PLLP: variants seen among roughly 807,000 people sequenced by gnomAD.
PLLP encodes the protein plasma membrane proteolipid (plasmolipin).
In PLLP, 15 loss-of-function variants were observed where a neutral mutation model predicts 19.7. That is an observed-to-expected ratio of 0.76 (90% CI 0.51 to 1.17). The LOEUF (loss-of-function observed/expected upper bound fraction) is 1.17. PLLP is among the 50% of genes most tolerant of loss of function. The probability of loss-of-function intolerance (pLI) is 0.00; values close to 1 mark genes in which losing one functional copy is unlikely to be tolerated. For synonymous variants in PLLP, 111 were observed against 116.3 expected, an observed-to-expected ratio of 0.95 and a Z score of 0.29; for missense variants, 255 against 258.3, an observed-to-expected ratio of 0.99 and a Z score of 0.09.
chr16:57,284,212 G>A (rs1722846396), intron 1 of PLLP, among the ~76,000 whole-genome samples, 194 bp downstream of exon 1: 1 of 152,280 alleles, frequency 6.6e-6, no homozygotes, highest in Admixed American at 6.5e-5. Flanking sequence ...GTCGTGGTGA[G>A]AGGGATGCAG....
At chr16:57,270,667 C>T (rs764973808) in intron 1 of PLLP, among the ~76,000 whole-genome samples, 1 of 152,120 alleles carries the variant, frequency 6.6e-6, no homozygotes, top group African/African-American at 2.4e-5. Context: ...ACAGAGGCTC[C>T]GGGCGCCTAA....
At chr16:57,267,869 C>T (rs570900473) in intron 1 of PLLP, among the ~76,000 whole-genome samples, 1 of 145,782 alleles carries the variant, frequency 6.9e-6, no homozygotes, top group Non-Finnish European at 1.5e-5. Context: ...GAGCGAAACT[C>T]CGTCTCAAAA....
At chr16:57,270,525 C>T (rs1156777156) in intron 1 of PLLP, among the ~76,000 whole-genome samples, 4 of 151,964 alleles carry the variant, frequency 2.6e-5, no homozygotes, top group African/African-American at 9.7e-5. Context: ...TCTGGGCAAG[C>T]CAAGGACACT....
At chr16:57,272,935 T>C (rs906438321) in intron 1 of PLLP, among the ~76,000 whole-genome samples, 1 of 145,058 alleles carries the variant, frequency 6.9e-6, no homozygotes, top group African/African-American at 2.6e-5. Flanking sequence ...CCAGCCTGAG[T>C]GACAGAGTGA....
chr16:57,283,173 G>C (rs1406142698), intron 1 of PLLP, among the ~76,000 whole-genome samples: 1 of 152,172 alleles, frequency 6.6e-6, no homozygotes, highest in Non-Finnish European at 1.5e-5. Flanking sequence ...TGTACTTCCT[G>C]AGATTCAAAT....
intron 1 of PLLP, among the ~76,000 whole-genome samples, chr16:57,273,116 C>T (rs920662839): frequency 2.6e-5 from 4 of 152,000 alleles, no homozygotes; most frequent in South Asian, 2.1e-4. Flanking sequence ...AAAAATTAGC[C>T]GGGCACGGTG....
intron 1 of PLLP, among the ~76,000 whole-genome samples, chr16:57,283,776 C>G (rs1901247391): frequency 6.6e-6 from 1 of 152,210 alleles, no homozygotes; most frequent in Non-Finnish European, 1.5e-5. Flanking sequence ...CCGGCTGAAA[C>G]CTGGCGGGTC....
intron 1 of PLLP, among the ~76,000 whole-genome samples, chr16:57,276,909 A>T (rs184910103): frequency 1.4e-3 from 211 of 152,234 alleles, no homozygotes; most frequent in South Asian, 5.2e-3. Flanking sequence ...GGAATAGAAA[A>T]CCCGAAGTGT....
At chr16:57,271,224 G>A (rs1192415712) in intron 1 of PLLP, among the ~76,000 whole-genome samples, 3 of 151,958 alleles carry the variant, frequency 2.0e-5, no homozygotes, top group African/African-American at 7.3e-5. Context: ...GCCGCCCCTG[G>A]ACCCCCAGCA....
chr16:57,274,873 T>C lies in PLLP; in HGVS notation c.135+9533A>G, dbSNP rs576417794. On this transcript the variant is annotated intron_variant, in intron 1 of 3. Transcript: ENST00000219207. ...GCCTCCCGGGTTCACACCATTCTCC[T>C]GCCTCAGCCTCCCGAGTAGCTGGGA... Among the ~76,000 whole-genome samples, 16 of 152,232 alleles carry C rather than the reference T, an allele frequency of 1.1e-4. No homozygotes were observed. The South Asian group carries it at 3.3e-3, about 32-fold the overall frequency.
At chr16:57,277,271 G>A (rs1205983830) in intron 1 of PLLP, among the ~76,000 whole-genome samples, 1 of 152,186 alleles carries the variant, frequency 6.6e-6, no homozygotes, top group Non-Finnish European at 1.5e-5. Flanking sequence ...TTTTATTCTT[G>A]AGCATTGTAA....
At chr16:57,264,905 ATAAAT>A (rs1179062570) in intron 1 of PLLP, among the ~76,000 whole-genome samples, 1 of 152,264 alleles carries the variant, frequency 6.6e-6, no homozygotes, top group East Asian at 1.9e-4. Flanking sequence ...AATTAACAAA[ATAAAT>A]TAATAAGAAG....
intron 1 of PLLP, among the ~76,000 whole-genome samples, chr16:57,272,873 T>C (rs1322399184): frequency 1.3e-5 from 2 of 151,734 alleles, no homozygotes; most frequent in African/African-American, 4.8e-5. Context: ...GGGAGGATCA[T>C]GTGAGCCCAG....
intron 2 of PLLP, 97 bp from the exon 3 acceptor site, chr16:57,258,681 CG>C: frequency 7.9e-7 from 1 of 1,258,356 alleles, no homozygotes. Context: ...CAGCACTTTG[CG>C]GGGCTGAAGT....
chr16:57,283,750 C>T (rs1377402160), intron 1 of PLLP, among the ~76,000 whole-genome samples: 5 of 152,190 alleles, frequency 3.3e-5, no homozygotes, highest in Non-Finnish European at 7.3e-5. Flanking sequence ...ATCTCGGTCC[C>T]GTGGGGCTGG....
chr16:57,267,939 G>A (rs1385531221), intron 1 of PLLP, among the ~76,000 whole-genome samples: 14 of 151,912 alleles, frequency 9.2e-5, no homozygotes, highest in Non-Finnish European at 1.2e-4. Flanking sequence ...AGACATGCTC[G>A]AGTTAAGGGG....
Position 57,284,670 on chromosome 16 carries a change from G to C in PLLP, c.-130C>G. 3.2e-6 allele frequency: 3 copies of C among 942,700 alleles called. No individual in the cohort carries two copies. Among genetic ancestry groups the C allele is most frequent in the Non-Finnish European group, 4.2e-6 (3 of 722,160 alleles). 58.4% of individuals were successfully genotyped at this position (942,700 alleles called of 1,614,324 possible). A position where few individuals can be genotyped will look rare whatever the true frequency, so the allele number is the denominator to read the frequency against. On this transcript the variant is annotated 5_prime_UTR_variant, in exon 1 of 4. Transcript: ENST00000219207. Reference sequence around the variant, plus strand: ...TGTGGCTCCAGGCGCTGCAGGAGGCGTCGGGGCTGGGAGCCTGGGGCGCCA... The same window carrying C: ...TGTGGCTCCAGGCGCTGCAGGAGGCCTCGGGGCTGGGAGCCTGGGGCGCCA...
At position 57,257,034 on chromosome 16, in the gene PLLP, AAG is replaced by A; in HGVS notation, c.433-7_433-6del. On this transcript the variant is annotated splice_polypyrimidine_tract_variant and splice_region_variant and intron_variant, in intron 3 of 3. Transcript: ENST00000219207. ...CATCACCAAACACGCAAAGAACTGA[AAG>A]AGAGGTGAGAAGGGCTTAAGGACCG... The A allele has an allele frequency of 1.9e-6, 3 of 1,601,600 alleles. No individual in the cohort carries two copies. Among genetic ancestry groups the A allele is most frequent in the Non-Finnish European group, 2.6e-6 (3 of 1,168,710 alleles).
At chr16:57,266,393 C>G (rs1183738486) in intron 1 of PLLP, among the ~76,000 whole-genome samples, 1 of 152,236 alleles carries the variant, frequency 6.6e-6, no homozygotes, top group Non-Finnish European at 1.5e-5. Context: ...GCATTTGAAC[C>G]AGACAGACTG....
Sources: allele counts gnomAD v4.1 joint callset (sites outside exome capture counted in the v4.1 genomes callset), GRCh38; gene constraint gnomAD v4.1.1; transcripts MANE v1.5; gene names NCBI Gene and HGNC (gene_info 2026-07-23, HGNC 2026-07-21).